Variants in UNC13B observed in about 807,000 individuals in gnomAD.
UNC13B encodes the protein protein unc-13 homolog B.
In UNC13B, 144 loss-of-function variants were observed where a neutral mutation model predicts 211.0. The observed-to-expected ratio is 0.68, with a 90% CI of 0.60 to 0.78. The LOEUF is 0.78. Ranked by LOEUF, UNC13B falls within the 30% of genes least tolerant of loss-of-function variation. UNC13B has a pLI of 0.00. For missense variants in UNC13B, 1,777 were observed against 2,002.0 expected, an observed-to-expected ratio of 0.89 and a Z score of 2.14; for synonymous variants, 709 against 725.8, an observed-to-expected ratio of 0.98 and a Z score of 0.37.
intron 11 of UNC13B, chr9:35,353,300 C>T (rs544979806): frequency 2.4e-5 from 29 of 1,232,230 alleles, no homozygotes; most frequent in East Asian, 1.3e-4. Flanking sequence ...TCACCACTTT[C>T]GTTCTGCTCT....
At chr9:35,233,441 G>A (rs1825321447) in intron 3 of UNC13B, among the ~76,000 whole-genome samples, 1 of 151,832 alleles carries the variant, frequency 6.6e-6, no homozygotes, top group African/African-American at 2.4e-5. Flanking sequence ...TTTACACGTG[G>A]GTTTTATTAG....
intron 1 of UNC13B, among the ~76,000 whole-genome samples, chr9:35,226,892 G>A (rs969947108): frequency 2.0e-5 from 3 of 152,194 alleles, no homozygotes; most frequent in African/African-American, 4.8e-5. Flanking sequence ...CAATCAAGTG[G>A]CACTCAATAG....
In UNC13B at chr9:35,211,674, G is replaced by T. The variant is rs573919453; in HGVS notation, c.23-16341G>T. 2.0e-5 allele frequency among the ~76,000 whole-genome samples: 3 copies of T among 152,260 alleles called. No homozygotes were observed. In the East Asian group the frequency reaches 5.8e-4, roughly 29 times the overall value. On this transcript the variant is annotated intron_variant, in intron 1 of 39. Coordinates refer to ENST00000635942, the MANE Select transcript of UNC13B (RefSeq NM_001371189.2). ...ATTCTGCCAAATTGCCCTCCCTAAA[G>T]ACTGTTCCAAATTACACATTTACCT...
At chr9:35,363,356 A>G (rs1291073273) in intron 11 of UNC13B, among the ~76,000 whole-genome samples, 1 of 151,474 alleles carries the variant, frequency 6.6e-6, no homozygotes, top group Non-Finnish European at 1.5e-5. Context: ...GGGTCAGTTA[A>G]AGGATTGTTT....
At position 35,307,974 on chromosome 9, in the gene UNC13B, C is replaced by G. The variant is rs1160490251; in HGVS notation, c.8570C>G (p.Pro2857Arg). 7.5e-6 allele frequency: 3 copies of G among 398,918 alleles called. No homozygotes were observed. Among genetic ancestry groups the G allele is most frequent in the Non-Finnish European group, 1.3e-5 (3 of 226,094 alleles). The allele number at this position is 398,918 out of a possible 1,614,324, so 24.7% of individuals were successfully genotyped here. Reference sequence around the variant, plus strand: ...AACAAAGGGGTCCCTGAACAAATGCCTACAGAATCCTCCCCTCCAGTTTTA... The same window carrying G: ...AACAAAGGGGTCCCTGAACAAATGCGTACAGAATCCTCCCCTCCAGTTTTA... ...KENKGVPEQM[P>R]TESSPPVLVT... The change falls in exon 9 of 40, where the codon CCT (proline) becomes CGT (arginine). Residue 2857 changes from proline (P) to arginine (R), a missense_variant. Physicochemically the swap from Pro to Arg is moderately radical, Grantham distance 103 (BLOSUM62 -2). Transcript: ENST00000635942.
chr9:35,399,848 A>T (rs1012447093), intron 36 of UNC13B, 119 bp downstream of exon 36: 3 of 968,592 alleles, frequency 3.1e-6, no homozygotes, highest in Non-Finnish European at 4.8e-6. Flanking sequence ...GAAGAGAGTT[A>T]CTATGTACTG....
At chr9:35,282,180 T>C (rs1394573486) in intron 7 of UNC13B, among the ~76,000 whole-genome samples, 1 of 152,136 alleles carries the variant, frequency 6.6e-6, no homozygotes, top group Admixed American at 6.5e-5. Flanking sequence ...AAAACAAATG[T>C]TTAAATGTAT....
chr9:35,202,067 T>C (rs919075775), intron 1 of UNC13B, among the ~76,000 whole-genome samples: 2 of 152,150 alleles, frequency 1.3e-5, no homozygotes, highest in African/African-American at 4.8e-5. Context: ...CAAAGAACAT[T>C]TTTATTTTTG....
At chr9:35,183,844 G>C (rs543422312) in intron 1 of UNC13B, among the ~76,000 whole-genome samples, 1 of 135,430 alleles carries the variant, frequency 7.4e-6, no homozygotes. Context: ...CCTCCCAGAC[G>C]GGGCGGCCGG....
intron 7 of UNC13B, among the ~76,000 whole-genome samples, chr9:35,261,283 T>C (rs369875237): frequency 3.3e-5 from 5 of 152,268 alleles, no homozygotes; most frequent in African/African-American, 1.2e-4. Flanking sequence ...GAATATAAGC[T>C]GCACATGCTA....
chr9:35,356,617 G>A (rs1042607525), intron 11 of UNC13B, among the ~76,000 whole-genome samples: 3 of 152,028 alleles, frequency 2.0e-5, no homozygotes, highest in African/African-American at 7.3e-5. Flanking sequence ...TATAATTCAT[G>A]TGCCATAAAA....
chr9:35,261,506 G>C (rs1405823540), intron 7 of UNC13B, among the ~76,000 whole-genome samples: 1 of 151,452 alleles, frequency 6.6e-6, no homozygotes, highest in African/African-American at 2.4e-5. Flanking sequence ...GTACATAGTA[G>C]GTATTTATGG....
At chr9:35,251,268 C>T (rs918935705) in intron 6 of UNC13B, among the ~76,000 whole-genome samples, 1 of 151,982 alleles carries the variant, frequency 6.6e-6, no homozygotes, top group Non-Finnish European at 1.5e-5. Flanking sequence ...CCGGCCTACT[C>T]TTCCATTTTT....
chr9:35,223,184 A>G (rs1824653679), intron 1 of UNC13B, among the ~76,000 whole-genome samples: 2 of 152,220 alleles, frequency 1.3e-5, no homozygotes, highest in Non-Finnish European at 2.9e-5. Context: ...TGACATACTG[A>G]CATCCTTTCC....
chr9:35,310,306 G>A (rs918009827), intron 9 of UNC13B, among the ~76,000 whole-genome samples, 161 bp from the exon 10 acceptor site: 2 of 152,170 alleles, frequency 1.3e-5, no homozygotes. Context: ...GCTGAATAGA[G>A]ACTAATTCTT....
intron 1 of UNC13B, among the ~76,000 whole-genome samples, chr9:35,222,451 A>G (rs1469173457): frequency 6.6e-6 from 1 of 152,206 alleles, no homozygotes; most frequent in African/African-American, 2.4e-5. Flanking sequence ...GAAGAAATAC[A>G]TATAAATTTT....
In UNC13B at chr9:35,305,355, C is replaced by A; in HGVS notation, c.5951C>A (p.Thr1984Asn). Residue 1984 changes from threonine (T) to asparagine (N), a missense_variant, in exon 9 of 40, where the codon ACC becomes AAC. Thr to Asn is a moderately conservative substitution (Grantham distance 65). Transcript: ENST00000635942. ...TCTGGTGTTTCAAATTTTTGGGGTA[C>A]CCTTGGGGATTTCTTTAAAGCCAAT... ...ESSGVSNFWGTLGDFFKANVS... is the reference protein window; with the variant it reads ...ESSGVSNFWGNLGDFFKANVS... 1 of 398,836 alleles carries A rather than the reference C, an allele frequency of 2.5e-6. No homozygotes were observed. Among genetic ancestry groups the A allele is most frequent in the Non-Finnish European group, 4.4e-6 (1 of 225,980 alleles). The allele number at this position is 398,836 out of a possible 1,614,324, so 24.7% of individuals were successfully genotyped here. A position where few individuals can be genotyped will look rare whatever the true frequency, so the allele number is the denominator to read the frequency against.
At chr9:35,239,703 A>G (rs111477227) in intron 5 of UNC13B, among the ~76,000 whole-genome samples, 1 of 152,154 alleles carries the variant, frequency 6.6e-6, no homozygotes, top group Non-Finnish European at 1.5e-5. Context: ...ACGTCCCCAA[A>G]GCAGCCATTT....
At chr9:35,399,778 G>C in intron 36 of UNC13B, 49 bp downstream of exon 36, 1 of 1,590,382 alleles carries the variant, frequency 6.3e-7, no homozygotes, top group East Asian at 2.2e-5. Context: ...CACTCACTTG[G>C]CCCTGGCATT....
Sources: allele counts gnomAD v4.1 joint callset (sites outside exome capture counted in the v4.1 genomes callset), GRCh38; gene constraint gnomAD v4.1.1; transcripts MANE v1.5; gene names NCBI Gene and HGNC (gene_info 2026-07-23, HGNC 2026-07-21).